SPG11: variants seen among roughly 807,000 people sequenced by gnomAD.
SPG11 encodes the protein spatacsin.
In SPG11, 222 loss-of-function variants were observed where a neutral mutation model predicts 274.0. That is an observed-to-expected ratio of 0.81 (90% CI 0.73 to 0.91). The LOEUF is 0.91. SPG11 is among the 40% of genes least tolerant of loss of function. The probability of loss-of-function intolerance (pLI) is 0.00; values close to 1 mark genes in which losing one functional copy is unlikely to be tolerated. For synonymous variants in SPG11, 1,144 were observed against 1,039.7 expected (o/e 1.10, Z -1.93); for missense variants, 3,114 against 2,872.7 (o/e 1.08, Z -1.92).
chr15:44,663,568 G>C lies in SPG11; in HGVS notation c.80C>G (p.Pro27Arg). 6.3e-7 allele frequency: 1 copy of C among 1,596,600 alleles called. No homozygotes were observed. ...GGCGGGGACTGGCACCAACAGCATCGGTAGAACCCGCCCCATGGCCGCGGT... is the reference window on the plus strand; with the variant it reads ...GGCGGGGACTGGCACCAACAGCATCCGTAGAACCCGCCCCATGGCCGCGGT... ...WGTAAMGRVLPMLLVPVPAEA... is the reference protein window; with the variant it reads ...WGTAAMGRVLRMLLVPVPAEA... The change falls in exon 1 of 40, where the codon CCG (proline) becomes CGG (arginine). Residue 27 changes from proline (P) to arginine (R), a missense_variant. Coordinates refer to ENST00000261866, the MANE Select transcript of SPG11 (RefSeq NM_025137.4).
At chr15:44,602,663 T>A (rs1484176093) in intron 20 of SPG11, among the ~76,000 whole-genome samples, 1 of 151,982 alleles carries the variant, frequency 6.6e-6, no homozygotes, top group Non-Finnish European at 1.5e-5. Flanking sequence ...TTGTATTTTT[T>A]AGTAGAGACA....
At chr15:44,655,624 TA>T (rs144803999) in intron 4 of SPG11, among the ~76,000 whole-genome samples, 6 of 152,324 alleles carry the variant, frequency 3.9e-5, no homozygotes, top group African/African-American at 1.4e-4. Context: ...GAATATAGTG[TA>T]ATACATATAA....
At chr15:44,650,032 CAT>C (rs1030359319) in intron 6 of SPG11, among the ~76,000 whole-genome samples, 49 of 152,242 alleles carry the variant, frequency 3.2e-4, no homozygotes, top group African/African-American at 1.2e-3. Context: ...ATTCCTGACA[CAT>C]AGAAATACAT....
chr15:44,608,116 C>G (rs1211044227), intron 19 of SPG11, among the ~76,000 whole-genome samples: 1 of 152,184 alleles, frequency 6.6e-6, no homozygotes, highest in East Asian at 1.9e-4. Flanking sequence ...CCTGGGGCAT[C>G]TCCGCTAAGT....
At chr15:44,574,765 G>T in intron 31 of SPG11, 137 bp downstream of exon 31, 1 of 1,090,758 alleles carries the variant, frequency 9.2e-7, no homozygotes, top group Non-Finnish European at 1.4e-6. Flanking sequence ...AATTATGAGG[G>T]CCAACATCCT....
At chr15:44,581,389 T>C (rs2082656526) in intron 30 of SPG11, among the ~76,000 whole-genome samples, 3 of 151,994 alleles carry the variant, frequency 2.0e-5, no homozygotes, top group Admixed American at 6.6e-5. Flanking sequence ...GTATTTTTTG[T>C]AGTGACGGGG....
Position 44,585,837 on chromosome 15 carries a change from T to C in SPG11, c.4920A>G (p.Lys1640=), listed in dbSNP as rs2140950308. Residue 1640 remains lysine (K), a synonymous_variant, in exon 29 of 40, where the codon AAA becomes AAG. Transcript: ENST00000261866. The stretch of plus-strand genomic sequence containing the variant: ...AAATCTGGCAAAGGATGCAAAGCTT[T>C]TTCACATCTGGACCTGTGCCAAAGA... ...EHLFSDGPDV[K]KLCILCQILK... is the part of the protein sequence containing the mutation. The C allele has an allele frequency of 6.2e-7, 1 of 1,614,036 alleles. No individual in the cohort carries two copies.
At chr15:44,598,176 ACAC>A (rs1355593940) in intron 23 of SPG11, 86 bp downstream of exon 23, 3 of 880,232 alleles carry the variant, frequency 3.4e-6, no homozygotes, top group Non-Finnish European at 5.8e-6. Context: ...TTTAGTGAAA[ACAC>A]CAGAGTTGTT....
intron 28 of SPG11, among the ~76,000 whole-genome samples, chr15:44,587,070 C>A (rs1405941806): frequency 6.6e-6 from 1 of 152,224 alleles, no homozygotes; most frequent in Non-Finnish European, 1.5e-5. Flanking sequence ...CAGTGGCTCA[C>A]GCCTATATTC....
rs1396739861 is a variant in SPG11, at chr15:44,626,438, G to A, written c.2137C>T (p.His713Tyr). ...EAQTFFRIDSHSAQKLEELIG... is the reference protein window; with the variant it reads ...EAQTFFRIDSYSAQKLEELIG... ...AGCTCCTCAAGTTTTTGAGCAGAAT[G>A]ACTATCAATCCTGAAGAAAGTCTGT... The change falls in exon 11 of 40, where the codon CAT becomes TAT. Residue 713 changes from histidine to tyrosine, a missense_variant. His to Tyr is a moderately conservative substitution (Grantham distance 83, BLOSUM62 2). Coordinates refer to ENST00000261866, the MANE Select transcript of SPG11 (RefSeq NM_025137.4). The A allele has an allele frequency of 2.5e-6, 4 of 1,613,848 alleles. No homozygotes were observed. Among genetic ancestry groups the A allele is most frequent in the Non-Finnish European group, 3.4e-6 (4 of 1,179,966 alleles).
chr15:44,600,462 C>A lies in SPG11; in HGVS notation c.3686+5G>T. The A allele has an allele frequency of 6.2e-7, 1 of 1,613,386 alleles. No individual in the cohort carries two copies. Among genetic ancestry groups the A allele is most frequent in the South Asian group, 1.1e-5 (1 of 91,070 alleles). On this transcript the variant is annotated splice_donor_5th_base_variant and intron_variant, in intron 21 of 39. Coordinates refer to ENST00000261866, the MANE Select transcript of SPG11 (RefSeq NM_025137.4). Reference sequence around the variant, plus strand: ...CCCAGACAAAATTATATTTTAAATACTCACAGCTGCTTGGGAGTCTTGCTC... The same window carrying A: ...CCCAGACAAAATTATATTTTAAATAATCACAGCTGCTTGGGAGTCTTGCTC...
intron 29 of SPG11, 60 bp downstream of exon 29, chr15:44,585,576 T>G: frequency 1.4e-6 from 2 of 1,426,910 alleles, no homozygotes; most frequent in Non-Finnish European, 9.6e-7. Context: ...CACTCCAGCC[T>G]GGGTGACAGA....
chr15:44,627,101 C>T (rs548949435), intron 10 of SPG11, among the ~76,000 whole-genome samples: 3 of 152,110 alleles, frequency 2.0e-5, no homozygotes, highest in African/African-American at 7.2e-5. Flanking sequence ...CCTGAAACTA[C>T]GTGGAGCCAC....
intron 27 of SPG11, 55 bp from the exon 28 acceptor site, chr15:44,589,469 A>G: frequency 6.2e-7 from 1 of 1,606,390 alleles, no homozygotes; most frequent in South Asian, 1.1e-5. Context: ...ATAGCAAATC[A>G]AAACCTCCAA....
intron 11 of SPG11, among the ~76,000 whole-genome samples, chr15:44,625,103 C>A: frequency 6.8e-6 from 1 of 147,902 alleles, no homozygotes; most frequent in Non-Finnish European, 1.5e-5. Flanking sequence ...CATTGCACTG[C>A]AGCCTAGGCA....
chr15:44,597,634 C>G (rs1362737431), intron 23 of SPG11, among the ~76,000 whole-genome samples: 1 of 152,154 alleles, frequency 6.6e-6, no homozygotes, highest in Non-Finnish European at 1.5e-5. Context: ...CCTGGGCCTC[C>G]TCACCAGGGG....
intron 6 of SPG11, 63 bp downstream of exon 6, chr15:44,651,428 A>T: frequency 1.4e-6 from 2 of 1,450,368 alleles, no homozygotes; most frequent in Non-Finnish European, 1.9e-6. Context: ...AGGCAGAAGT[A>T]AAATACAGTA....
chr15:44,648,873 G>A lies in SPG11; in HGVS notation c.1595C>T (p.Ala532Val), dbSNP rs749625555. The A allele has an allele frequency of 1.2e-6, 2 of 1,613,998 alleles. No individual in the cohort carries two copies. Among genetic ancestry groups the A allele is most frequent in the South Asian group, 1.1e-5 (1 of 91,080 alleles). ...GGCATTTAATTCTGTTACCTCTAGT[G>A]CATGTATGGGAATTGAGCACCTTCC... is the stretch of plus-strand genomic sequence containing the variant. ...GWGRCSIPIH[A>V]LEAGIENRQL... Residue 532 changes from alanine (A) to valine (V), a missense_variant, in exon 7 of 40, where the codon GCA becomes GTA. Transcript: ENST00000261866.
At chr15:44,596,468 C>CA (rs2140972552) in intron 24 of SPG11, 113 bp from the exon 25 acceptor site, 1 of 1,184,620 alleles carries the variant, frequency 8.4e-7, no homozygotes, top group South Asian at 1.3e-5. Context: ...TGAACTAAGT[C>CA]AGAGTGACTA....
Sources: allele counts gnomAD v4.1 joint callset (sites outside exome capture counted in the v4.1 genomes callset), GRCh38; gene constraint gnomAD v4.1.1; transcripts MANE v1.5; gene names NCBI Gene and HGNC (gene_info 2026-07-23, HGNC 2026-07-21).